The following MYH14 variants were observed in gnomAD, a reference collection of about 807,000 sequenced individuals.
MYH14 encodes the protein myosin-14.
A neutral mutation model predicts 255.5 loss-of-function variants in MYH14; 123 were observed. That is an observed-to-expected ratio of 0.48 (90% confidence interval 0.42 to 0.56). The LOEUF (loss-of-function observed/expected upper bound fraction) is 0.56. Among genes scored for constraint, MYH14 ranks in the 20% least tolerant of loss-of-function variants. The pLI is 0.00. For missense variants in MYH14, 2,423 were observed against 2,802.3 expected (o/e 0.86, Z 3.06); for synonymous variants, 1,095 against 1,161.2 (o/e 0.94, Z 1.16).
chr19:50,228,375 TAAC>T (rs2123223175), intron 8 of MYH14, among the ~76,000 whole-genome samples: 2 of 152,168 alleles, frequency 1.3e-5, no homozygotes, highest in Admixed American at 1.3e-4. Context: ...TCAATAACAT[TAAC>T]AACTGCTAAT....
chr19:50,284,339 G>T (rs2035820402), intron 33 of MYH14, among the ~76,000 whole-genome samples: 2 of 151,646 alleles, frequency 1.3e-5, no homozygotes, highest in South Asian at 2.1e-4. Context: ...TTTTATCCTG[G>T]TTTTTTTCTT....
At chr19:50,275,869 G>A (rs1437229866) in intron 27 of MYH14, 122 bp from the exon 28 acceptor site, 1 of 718,204 alleles carries the variant, frequency 1.4e-6, no homozygotes, top group Non-Finnish European at 2.3e-6. Context: ...CAGTGGCAGA[G>A]AGAGGATTCT....
chr19:50,265,941 T>G (rs2123369358), intron 22 of MYH14, among the ~76,000 whole-genome samples: 1 of 152,198 alleles, frequency 6.6e-6, no homozygotes, highest in African/African-American at 2.4e-5. Flanking sequence ...ACCTTAGGTG[T>G]TGGGGGTTGG....
At chr19:50,269,872 G>T (rs1361698163) in intron 24 of MYH14, among the ~76,000 whole-genome samples, 1 of 152,150 alleles carries the variant, frequency 6.6e-6, no homozygotes, top group Admixed American at 6.5e-5. Flanking sequence ...GGAGTAGGAG[G>T]ACTTCTGTTT....
chr19:50,209,177 T>G (rs1363259467), intron 1 of MYH14, among the ~76,000 whole-genome samples: 2 of 152,092 alleles, frequency 1.3e-5, no homozygotes, highest in Non-Finnish European at 2.9e-5. Flanking sequence ...TAAAATAGAT[T>G]GAATTTAAAT....
chr19:50,246,977 T>C (rs1302351726), intron 11 of MYH14, 27 bp from the exon 12 acceptor site: 3 of 1,532,694 alleles, frequency 2.0e-6, no homozygotes, highest in East Asian at 2.3e-5. Flanking sequence ...CCAGTGCTGA[T>C]GGAATCTTGG....
rs1472945413 is a variant in MYH14, at chr19:50,230,438, G to T, written c.875-87G>T. On this transcript the variant is annotated intron_variant, in intron 8 of 42. Transcript: ENST00000642316. This position sits in a 1 kb window ranked among gnomAD's most constrained non-coding sequence, Gnocchi z 4.7. ...CCACTACACCACAGGAGAGAAGGGG[G>T]CAGCGTGGGCAGGGCAGGCTCCTGT... 2.7e-5 allele frequency: 31 copies of T among 1,164,748 alleles called. No homozygotes were observed. In the South Asian group the frequency reaches 3.9e-4, roughly 15 times the overall value. 72.2% of individuals were successfully genotyped at this position (1,164,748 alleles called of 1,614,324 possible).
Position 50,252,549 on chromosome 19 carries a change from G to T in MYH14, c.1831-90G>T, listed in dbSNP as rs1485529267. On this transcript the variant is annotated intron_variant, in intron 15 of 42. Coordinates refer to ENST00000642316, the MANE Select transcript of MYH14 (RefSeq NM_001145809.2). This position sits in a 1 kb window ranked among gnomAD's most constrained non-coding sequence, Gnocchi z 4.2. ...TGTCCATGGTGAGCTCCAGACCTGG[G>T]AGTCTCAGAGCTTCTGGAAGGCTCC... is the stretch of plus-strand genomic sequence containing the variant. 4 of 864,974 alleles carry T rather than the reference G, an allele frequency of 4.6e-6. No homozygotes were observed. Among genetic ancestry groups the T allele is most frequent in the Non-Finnish European group, 7.6e-6 (4 of 525,072 alleles). The allele number at this position is 864,974 out of a possible 1,614,324, so 53.6% of individuals were successfully genotyped here.
At chr19:50,288,012 G>A (rs2035947944) in intron 34 of MYH14, among the ~76,000 whole-genome samples, 1 of 152,116 alleles carries the variant, frequency 6.6e-6, no homozygotes, top group Non-Finnish European at 1.5e-5. Flanking sequence ...TATCCCTCCA[G>A]GGCCTGTAGG....
intron 29 of MYH14, among the ~76,000 whole-genome samples, chr19:50,277,619 A>G (rs1390952459): frequency 1.3e-5 from 2 of 151,806 alleles, no homozygotes; most frequent in African/African-American, 4.8e-5. Context: ...AAAAACAAAC[A>G]AACAAACAAA....
Position 50,261,531 on chromosome 19 carries a change from C to T in MYH14, c.2481C>T (p.Phe827=), listed in dbSNP as rs750711271. The T allele has an allele frequency of 6.3e-6, 10 of 1,585,988 alleles. No individual in the cohort carries two copies. The highest frequency in any genetic ancestry group is 8.6e-6 in the Non-Finnish European group (10 of 1,169,042). The part of the protein sequence containing the change: ...NLYRVGQSKI[F]FRAGVLAQLE... ...ACCGCGTGGGACAGAGCAAGATCTT[C>T]TTCCGGGCTGGGGTCCTGGCCCAGC... Residue 827 remains phenylalanine (F), a synonymous_variant, in exon 21 of 43, where the codon TTC becomes TTT. Coordinates refer to ENST00000642316, the MANE Select transcript of MYH14 (RefSeq NM_001145809.2).
At chr19:50,223,428 T>C in intron 5 of MYH14, 79 bp downstream of exon 5, 2 of 991,710 alleles carry the variant, frequency 2.0e-6, no homozygotes, top group Non-Finnish European at 3.1e-6. Flanking sequence ...CCCACAATTG[T>C]CTCTTCCCCT....
chr19:50,297,643 C>A, intron 39 of MYH14, among the ~76,000 whole-genome samples: 1 of 150,422 alleles, frequency 6.6e-6, no homozygotes, highest in East Asian at 2.0e-4. Flanking sequence ...ATTACAGGCG[C>A]CCACCACCAC....
intron 40 of MYH14, 123 bp downstream of exon 40, chr19:50,301,992 T>G: frequency 2.4e-6 from 2 of 817,480 alleles, no homozygotes; most frequent in South Asian, 3.4e-5. Context: ...TAGTAATGAC[T>G]GCTGGCCTGG....
At position 50,230,774 on chromosome 19, in the gene MYH14, C is replaced by T; in HGVS notation, c.973+151C>T. 3.0e-6 allele frequency: 2 copies of T among 657,820 alleles called. No individual in the cohort carries two copies. Among genetic ancestry groups the T allele is most frequent in the South Asian group, 3.6e-5 (2 of 55,332 alleles). The allele number at this position is 657,820 out of a possible 1,614,324, so 40.7% of individuals were successfully genotyped here. On this transcript the variant is annotated intron_variant, in intron 9 of 42. Transcript: ENST00000642316. The surrounding 1 kb of genome is among the most constrained non-coding windows in gnomAD (Gnocchi z 4.7). ...GAGGCTCCCGCAGCCCCTGCTCTCG[C>T]TGCGTAGTGGCGTCTGTCGCACGGT...
At chr19:50,292,675 C>T (rs1243183585) in intron 37 of MYH14, among the ~76,000 whole-genome samples, 3 of 151,970 alleles carry the variant, frequency 2.0e-5, no homozygotes, top group African/African-American at 7.3e-5. Context: ...TGTCTTAGGG[C>T]ACTAGGGAGC....
intron 41 of MYH14, chr19:50,308,174 A>G (rs2036717659): frequency 6.6e-6 from 1 of 152,250 alleles, no homozygotes; most frequent in African/African-American, 2.4e-5. Context: ...CTGAAGGGTG[A>G]AAAAGAGCCA....
rs368076867 is a variant in MYH14, at chr19:50,280,070, G to A, written c.4066G>A (p.Glu1356Lys). 6 of 1,610,654 alleles carry A rather than the reference G, an allele frequency of 3.7e-6. No individual in the cohort carries two copies. The highest frequency in any genetic ancestry group is 3.3e-5 in the South Asian group (3 of 90,114). ...ELENVSGALNEAESKTIRLSK... is the reference protein window; with the variant it reads ...ELENVSGALNKAESKTIRLSK... ...GGAGAATGTGTCTGGGGCGCTGAAC[G>A]AGGCTGAGTCCAAAACCATCCGTCT... Residue 1356 changes from glutamate (E) to lysine (K), a missense_variant, in exon 31 of 43, where the codon GAG becomes AAG. Transcript: ENST00000642316. This position sits in a 1 kb window ranked among gnomAD's most constrained non-coding sequence, Gnocchi z 4.8.
At chr19:50,273,601 G>GGTGTGTGTGTGTGT (rs56095197) in intron 27 of MYH14, among the ~76,000 whole-genome samples, 11 of 137,576 alleles carry the variant, frequency 8.0e-5, no homozygotes, top group African/African-American at 2.4e-4. Flanking sequence ...GAACATGGGG[G>GGTGTGTGTGTGTGT]GTGTGTGTGT....
Sources: allele counts gnomAD v4.1 joint callset (sites outside exome capture counted in the v4.1 genomes callset), GRCh38; gene constraint gnomAD v4.1.1; non-coding constraint Gnocchi (gnomAD v3.1); transcripts MANE v1.5; gene names NCBI Gene and HGNC (gene_info 2026-07-23, HGNC 2026-07-21).